The following PDE4D variants were observed in gnomAD, a reference collection of about 807,000 sequenced individuals.
The protein encoded by PDE4D is 3',5'-cyclic-AMP phosphodiesterase 4D.
In PDE4D, 24 loss-of-function variants were observed where a neutral mutation model predicts 87.4. That is an observed-to-expected ratio of 0.27 (90% CI 0.20 to 0.39). PDE4D has a LOEUF of 0.39. Ranked by LOEUF, PDE4D falls within the 10% of genes least tolerant of loss-of-function variation. The probability of loss-of-function intolerance (pLI) is 1.00; values close to 1 mark genes in which losing one functional copy is unlikely to be tolerated. For missense variants in PDE4D, 714 were observed against 1,041.0 expected (o/e 0.69, Z 4.32); for synonymous variants, 384 against 383.2 (o/e 1.00, Z -0.02).
At chr5:60,316,553 T>A (rs775967184) in intron 1 of PDE4D, among the ~76,000 whole-genome samples, 1 of 152,190 alleles carries the variant, frequency 6.6e-6, no homozygotes, top group Non-Finnish European at 1.5e-5. Context: ...AGGGCATCCC[T>A]CTGTCTTGTG....
At chr5:60,465,766 C>A (rs1367187837) in intron 1 of PDE4D, among the ~76,000 whole-genome samples, 1 of 151,888 alleles carries the variant, frequency 6.6e-6, no homozygotes, top group East Asian at 1.9e-4. Context: ...CCTAGCCTAC[C>A]TAAACATGCT....
intron 1 of PDE4D, among the ~76,000 whole-genome samples, chr5:59,284,589 T>C (rs956715074): frequency 1.4e-5 from 2 of 145,474 alleles, no homozygotes; most frequent in Non-Finnish European, 3.0e-5. Flanking sequence ...TGTGGAGAAA[T>C]AGGAACACTT....
chr5:59,490,061 T>C (rs1805900637), intron 1 of PDE4D, among the ~76,000 whole-genome samples: 1 of 152,210 alleles, frequency 6.6e-6, no homozygotes. Context: ...AAATATCATT[T>C]CGCAAATATT....
At chr5:59,206,918 C>G (rs968041228) in intron 2 of PDE4D, among the ~76,000 whole-genome samples, 1 of 152,162 alleles carries the variant, frequency 6.6e-6, no homozygotes, top group African/African-American at 2.4e-5. Flanking sequence ...CATAGTGGCT[C>G]TTGCCTGTAA....
At chr5:59,757,807 C>T (rs1761465670) in intron 1 of PDE4D, among the ~76,000 whole-genome samples, 1 of 152,156 alleles carries the variant, frequency 6.6e-6, no homozygotes, top group South Asian at 2.1e-4. Flanking sequence ...TTTTACACCT[C>T]TTATGTAAAA....
At chr5:59,966,320 T>C (rs1420549107) in intron 3 of PDE4D, among the ~76,000 whole-genome samples, 1 of 152,168 alleles carries the variant, frequency 6.6e-6, no homozygotes, top group Non-Finnish European at 1.5e-5. Context: ...AGAGCCTTAA[T>C]AGAAAGACAA....
chr5:59,553,775 G>A (rs1360776230), intron 1 of PDE4D, among the ~76,000 whole-genome samples: 2 of 152,082 alleles, frequency 1.3e-5, no homozygotes, highest in East Asian at 1.9e-4. Flanking sequence ...TTTTAGGAAC[G>A]AGTATAGTAA....
intron 3 of PDE4D, among the ~76,000 whole-genome samples, chr5:59,938,032 T>C (rs890505917): frequency 6.6e-5 from 10 of 152,222 alleles, no homozygotes; most frequent in African/African-American, 2.4e-5. Flanking sequence ...AAATTATCTG[T>C]TTTCTATTAG....
intron 1 of PDE4D, among the ~76,000 whole-genome samples, chr5:60,493,585 C>G (rs1279843539): frequency 4.3e-5 from 1 of 23,346 alleles, no homozygotes; most frequent in Non-Finnish European, 1.1e-4. Flanking sequence ...TATACACAAT[C>G]ATTCATTCAT....
Position 59,893,588 on chromosome 5 carries a change from G to T in PDE4D, c.35C>A (p.Ala12Glu). Residue 12 changes from alanine to glutamate, a missense_variant, in exon 1 of 15, where the codon GCG becomes GAG. Transcript: ENST00000340635. Reference sequence around the variant, plus strand: ...GCTGTCGCTGCCCTCTCCGCTGCCCGCCCGGGCCGGCGCGCTGCTGCCCTC... The same window carrying T: ...GCTGTCGCTGCCCTCTCCGCTGCCCTCCCGGGCCGGCGCGCTGCTGCCCTC... ...EAEGSSAPAR[A>E]GSGEGSDSAG... The T allele has an allele frequency of 6.6e-7, 1 of 1,521,450 alleles. No homozygotes were observed. 94.2% of individuals were successfully genotyped at this position (1,521,450 alleles called of 1,614,324 possible). A position where few individuals can be genotyped will look rare whatever the true frequency, so the allele number is the denominator to read the frequency against.
intron 1 of PDE4D, among the ~76,000 whole-genome samples, chr5:59,691,419 AG>A (rs1750902914): frequency 6.6e-6 from 1 of 152,252 alleles, no homozygotes; most frequent in African/African-American, 2.4e-5. Flanking sequence ...TGTCCTTTGT[AG>A]GGACATGGAT....
intron 1 of PDE4D, among the ~76,000 whole-genome samples, chr5:60,471,079 C>T (rs942664113): frequency 2.0e-5 from 3 of 152,250 alleles, no homozygotes; most frequent in Admixed American, 6.5e-5. Flanking sequence ...TAAAAACATT[C>T]ATGACTCATG....
At chr5:60,086,034 A>AT in intron 2 of PDE4D, among the ~76,000 whole-genome samples, 1 of 152,200 alleles carries the variant, frequency 6.6e-6, no homozygotes, top group Non-Finnish European at 1.5e-5. Context: ...AATGGCATCT[A>AT]TTTTACTCAG....
intron 2 of PDE4D, among the ~76,000 whole-genome samples, chr5:60,051,967 T>C (rs761352710): frequency 3.0e-4 from 45 of 152,090 alleles, no homozygotes; most frequent in Non-Finnish European, 1.5e-4. Context: ...CCTGGACACA[T>C]ACACCCTTTC....
intron 1 of PDE4D, among the ~76,000 whole-genome samples, chr5:59,458,404 G>A (rs116319486): frequency 0.019 from 2,846 of 152,228 alleles, 93 homozygotes; most frequent in African/African-American, 0.066. Context: ...AATTCTCAGT[G>A]AAACCTCACT....
chr5:59,956,336 C>G (rs1043641240), intron 3 of PDE4D, among the ~76,000 whole-genome samples: 9 of 152,182 alleles, frequency 5.9e-5, no homozygotes, highest in African/African-American at 1.7e-4. Context: ...CTCTGGCTGC[C>G]CCTACCTTGT....
At chr5:59,421,812 A>C (rs1363370536) in intron 1 of PDE4D, among the ~76,000 whole-genome samples, 1 of 152,152 alleles carries the variant, frequency 6.6e-6, no homozygotes, top group Non-Finnish European at 1.5e-5. Context: ...ATGTTTCTCC[A>C]AAAGGGTACA....
chr5:59,410,815 C>T (rs1190452706), intron 1 of PDE4D, among the ~76,000 whole-genome samples: 1 of 149,662 alleles, frequency 6.7e-6, no homozygotes, highest in African/African-American at 2.6e-5. Flanking sequence ...CATGGGAGTG[C>T]AGATATTTTT....
intron 1 of PDE4D, among the ~76,000 whole-genome samples, chr5:59,831,326 C>CAAAAAAAAAAAAAAAAAAAAAAAAAAAA (rs35043596): frequency 1.1e-5 from 1 of 91,414 alleles, no homozygotes; most frequent in African/African-American, 4.7e-5. Context: ...AAATTATTCT[C>CAAAAAAAAAAAAAAAAAAAAAAAAAAAA]AAAAAAAAAA....
Sources: allele counts gnomAD v4.1 joint callset (sites outside exome capture counted in the v4.1 genomes callset), GRCh38; gene constraint gnomAD v4.1.1; transcripts MANE v1.5; gene names NCBI Gene and HGNC (gene_info 2026-07-23, HGNC 2026-07-21).